Variants in FDPS observed in about 807,000 individuals in gnomAD.
FDPS encodes farnesyl diphosphate synthase.
In FDPS, 29 loss-of-function variants were observed where a neutral mutation model predicts 49.5. The ratio of observed to expected loss-of-function variants is 0.59; its 90% CI spans 0.44 to 0.80. The LOEUF (loss-of-function observed/expected upper bound fraction) is 0.80, where lower values mean the gene tolerates loss of function less well. FDPS is among the 30% of genes least tolerant of loss of function. The pLI is 0.00. For missense variants in FDPS, 414 were observed against 525.6 expected (o/e 0.79, Z 2.08); for synonymous variants, 172 against 206.4 (o/e 0.83, Z 1.43).
chr1:155,312,465 T>A, intron 4 of FDPS, 70 bp downstream of exon 4: 1 of 1,481,380 alleles, frequency 6.8e-7, no homozygotes, highest in Non-Finnish European at 9.4e-7. Flanking sequence ...AGGGGAGGGA[T>A]GGGCCTGAAA....
In FDPS at chr1:155,312,251, C is replaced by T; in HGVS notation, c.340-4C>T. On this transcript the variant is annotated splice_region_variant and splice_polypyrimidine_tract_variant and intron_variant, in intron 3 of 10. Coordinates refer to ENST00000368356, the MANE Select transcript of FDPS (RefSeq NM_002004.4). Reference sequence around the variant, plus strand: ...TACCCTGTACCTCTTTCCTTGCCCTCCAGGTCCTGGAGTACAATGCCATTG... The same window carrying T: ...TACCCTGTACCTCTTTCCTTGCCCTTCAGGTCCTGGAGTACAATGCCATTG... 1 of 1,613,672 alleles carries T rather than the reference C, an allele frequency of 6.2e-7. No homozygotes were observed. Among genetic ancestry groups the T allele is most frequent in the Non-Finnish European group, 8.5e-7 (1 of 1,179,982 alleles).
At position 155,319,696 on chromosome 1, in the gene FDPS, G is replaced by A. The variant is rs748054065; in HGVS notation, c.924+8G>A. ...GAGTTCTTTCAGATTCAGGTAAGAAGGCAGGAGGCAGTAGCAGAGAACAGG... is the reference window on the plus strand; with the variant it reads ...GAGTTCTTTCAGATTCAGGTAAGAAAGCAGGAGGCAGTAGCAGAGAACAGG... On this transcript the variant is annotated splice_region_variant and intron_variant, in intron 9 of 10. Transcript: ENST00000368356. The A allele has an allele frequency of 2.9e-5, 47 of 1,614,066 alleles. No individual in the cohort carries two copies. Among genetic ancestry groups the A allele is most frequent in the Admixed American group, 5.0e-5 (3 of 60,002 alleles).
At position 155,318,527 on chromosome 1, in the gene FDPS, G is replaced by A; in HGVS notation, c.685-138G>A. On this transcript the variant is annotated intron_variant, in intron 6 of 10. Transcript: ENST00000368356. The surrounding 1 kb of genome is among the most constrained non-coding windows in gnomAD (Gnocchi z 4.2). ...CTGTGTGTATGAATATGGGCCTTAA[G>A]TTTTGGGGCTTTCTCCCCTTCTGTT... 3 of 837,484 alleles carry A rather than the reference G, an allele frequency of 3.6e-6. No homozygotes were observed. Among genetic ancestry groups the A allele is most frequent in the Non-Finnish European group, 5.9e-6 (3 of 508,238 alleles). The allele number at this position is 837,484 out of a possible 1,614,324, so 51.9% of individuals were successfully genotyped here. A position where few individuals can be genotyped will look rare whatever the true frequency, so the allele number is the denominator to read the frequency against.
rs1557981287 is a variant in FDPS at position 155,318,474 on chromosome 1, T to C, written c.684+183T>C. On this transcript the variant is annotated intron_variant, in intron 6 of 10. Transcript: ENST00000368356. The surrounding 1 kb of genome is among the most constrained non-coding windows in gnomAD (Gnocchi z 4.2). ...GGCAAGAAAGGGCTTCTCTGTCCTG[T>C]GTAATTGGAAGAAAGGGTGATAAAG... 3 of 847,212 alleles carry C rather than the reference T, an allele frequency of 3.5e-6. No homozygotes were observed. The South Asian group carries it at 4.5e-5, about 13-fold the overall frequency. 52.5% of individuals were successfully genotyped at this position (847,212 alleles called of 1,614,324 possible).
chr1:155,319,961 G>A, intron 10 of FDPS, 33 bp downstream of exon 10: 1 of 1,610,790 alleles, frequency 6.2e-7, no homozygotes, highest in African/African-American at 1.3e-5. Flanking sequence ...TCCCTGAGTT[G>A]GTGGAAAGGG....
intron 4 of FDPS, chr1:155,312,613 A>T: frequency 1.9e-6 from 1 of 537,710 alleles, no homozygotes; most frequent in Non-Finnish European, 3.4e-6. Context: ...ATAGTTGTAG[A>T]CAGTGTGGAC....
In FDPS at chr1:155,318,293, T is replaced by G. The variant is rs772984674; in HGVS notation, c.684+2T>G. On this transcript the variant is annotated splice_donor_variant, in intron 6 of 10. Transcript: ENST00000368356. LOFTEE classifies it high-confidence loss of function. This position sits in a 1 kb window ranked among gnomAD's most constrained non-coding sequence, Gnocchi z 4.2. The stretch of plus-strand genomic sequence containing the variant: ...AACCTGATCGAGCTCTTCCTGCAGG[T>G]GTATTGCAGACAGGGCCCGATGCCC... 29 of 1,610,366 alleles carry G rather than the reference T, an allele frequency of 1.8e-5. No homozygotes were observed. In the Admixed American group the frequency reaches 2.3e-4, roughly 13 times the overall value.
chr1:155,315,488 G>A (rs1329641215), intron 4 of FDPS, among the ~76,000 whole-genome samples: 3 of 152,040 alleles, frequency 2.0e-5, no homozygotes, highest in Non-Finnish European at 4.4e-5. Context: ...GACCATCCTG[G>A]CTAACATGGT....
chr1:155,318,314 T>C lies in FDPS; in HGVS notation c.684+23T>C. Reference sequence around the variant, plus strand: ...CAGGTGTATTGCAGACAGGGCCCGATGCCCAGAGGGTGCCCATGGTAGCCT... The same window carrying C: ...CAGGTGTATTGCAGACAGGGCCCGACGCCCAGAGGGTGCCCATGGTAGCCT... On this transcript the variant is annotated intron_variant, in intron 6 of 10. Transcript: ENST00000368356. This position sits in a 1 kb window ranked among gnomAD's most constrained non-coding sequence, Gnocchi z 4.2. The C allele has an allele frequency of 6.2e-7, 1 of 1,606,962 alleles. No homozygotes were observed. Among genetic ancestry groups the C allele is most frequent in the Non-Finnish European group, 8.5e-7 (1 of 1,179,912 alleles).
In FDPS at chr1:155,316,211, C is replaced by T. The variant is rs531056595; in HGVS notation, c.481-1730C>T. 4.6e-5 allele frequency among the ~76,000 whole-genome samples: 7 copies of T among 151,666 alleles called. No homozygotes were observed. The East Asian group carries it at 9.8e-4, about 21-fold the overall frequency. ...CGGAGGTTGCAGTGAGCCGAGATTG[C>T]GCCATTGCACTCCAGCCTGGACAAT... On this transcript the variant is annotated intron_variant, in intron 4 of 10. Coordinates refer to ENST00000368356, the MANE Select transcript of FDPS (RefSeq NM_002004.4).
intron 4 of FDPS, among the ~76,000 whole-genome samples, chr1:155,315,408 A>G (rs947601878): frequency 6.6e-6 from 1 of 152,188 alleles, no homozygotes; most frequent in African/African-American, 2.4e-5. Flanking sequence ...GGCTGGGCGC[A>G]GTGGCTCATG....
intron 4 of FDPS, among the ~76,000 whole-genome samples, chr1:155,315,016 A>G (rs2148238903): frequency 6.6e-6 from 1 of 152,224 alleles, no homozygotes; most frequent in Non-Finnish European, 1.5e-5. Flanking sequence ...TCAATTAAAC[A>G]TGTGCCTTTG....
intron 4 of FDPS, chr1:155,312,979 CAAAAAAAAAAAAA>C (rs755919439): frequency 4.9e-5 from 2 of 40,568 alleles, no homozygotes; most frequent in African/African-American, 1.9e-4. Flanking sequence ...AACTCCATCT[CAAAAAAAAAAAAA>C]AAAAAAAAGG....
chr1:155,310,106 G>A lies in FDPS; in HGVS notation c.240G>A (p.Lys80=). 1 of 1,614,036 alleles carries A rather than the reference G, an allele frequency of 6.2e-7. No homozygotes were observed. Among genetic ancestry groups the A allele is most frequent in the Non-Finnish European group, 8.5e-7 (1 of 1,179,932 alleles). Residue 80 remains lysine, a synonymous_variant, in exon 3 of 11, where the codon AAG becomes AAA. Transcript: ENST00000368356. The part of the protein sequence containing the change: ...DQNSDVYAQE[K]QDFVQHFSQI... ...ATTCAGATGTTTATGCCCAAGAAAA[G>A]CAGGATTTCGTTCAGCACTTCTCCC...
chr1:155,318,024 A>G lies in FDPS; in HGVS notation c.561+3A>G, dbSNP rs1429202850. 6.2e-7 allele frequency: 1 copy of G among 1,613,956 alleles called. No individual in the cohort carries two copies. The highest frequency in any genetic ancestry group is 8.5e-7 in the Non-Finnish European group (1 of 1,179,894). On this transcript the variant is annotated splice_donor_region_variant and intron_variant, in intron 5 of 10. Coordinates refer to ENST00000368356, the MANE Select transcript of FDPS (RefSeq NM_002004.4). This position sits in a 1 kb window ranked among gnomAD's most constrained non-coding sequence, Gnocchi z 4.2. ...GACAGATCTGCTGGTATCAGAAGGT[A>G]ATGTGGGCAGGAAAATAGCAGTGGG...
At chr1:155,312,944 A>C (rs1226461537) in intron 4 of FDPS, 2 of 145,010 alleles carry the variant, frequency 1.4e-5, no homozygotes, top group Non-Finnish European at 3.0e-5. Context: ...GCACCATTGC[A>C]CTCCAGCCTG....
In FDPS at chr1:155,320,389, T is replaced by C. The variant is rs2148253948; in HGVS notation, c.1060-20T>C. On this transcript the variant is annotated intron_variant, in intron 10 of 10. Transcript: ENST00000368356. ...CTGGGGAAGGCCAAGCCCGTTTTCC[T>C]GTCTTTCAACCTCTTCCAGGAAAAT... 2 of 1,606,864 alleles carry C rather than the reference T, an allele frequency of 1.2e-6. No homozygotes were observed. The highest frequency in any genetic ancestry group is 1.7e-6 in the Non-Finnish European group (2 of 1,176,750).
rs755644704 is a variant in FDPS, at chr1:155,318,684, T to C, written c.704T>C (p.Ile235Thr). The change falls in exon 7 of 11, where the codon ATT becomes ACT. Residue 235 changes from isoleucine (I) to threonine (T), a missense_variant. Coordinates refer to ENST00000368356, the MANE Select transcript of FDPS (RefSeq NM_002004.4). This position sits in a 1 kb window ranked among gnomAD's most constrained non-coding sequence, Gnocchi z 4.2. ...GCTTAGAGTTCCTATCAGACTGAGA[T>C]TGGGCAGACCCTGGACCTCCTCACA... ...LFLQSSYQTE[I>T]GQTLDLLTAP... The C allele has an allele frequency of 2.5e-6, 4 of 1,613,328 alleles. No individual in the cohort carries two copies. Among genetic ancestry groups the C allele is most frequent in the Non-Finnish European group, 3.4e-6 (4 of 1,179,354 alleles).
intron 4 of FDPS, among the ~76,000 whole-genome samples, chr1:155,315,836 C>T (rs1649314198): frequency 6.7e-6 from 1 of 149,810 alleles, no homozygotes; most frequent in African/African-American, 2.5e-5. Flanking sequence ...TATTGCACTC[C>T]AGCCTGGGCA....
Sources: allele counts gnomAD v4.1 joint callset (sites outside exome capture counted in the v4.1 genomes callset), GRCh38; gene constraint gnomAD v4.1.1; non-coding constraint Gnocchi (gnomAD v3.1); transcripts MANE v1.5; gene names NCBI Gene and HGNC (gene_info 2026-07-23, HGNC 2026-07-21).